TPTE2: variants seen among roughly 807,000 people sequenced by gnomAD.
The protein encoded by TPTE2 is phosphatidylinositol 3,4,5-trisphosphate 3-phosphatase TPTE2.
Under a neutral mutation model 78.6 loss-of-function variants are expected in TPTE2, and 53 were observed. The observed-to-expected ratio is 0.67, with a 90% confidence interval of 0.54 to 0.85. The LOEUF (loss-of-function observed/expected upper bound fraction) is 0.85, where lower values mean the gene tolerates loss of function less well. Ranked by LOEUF, TPTE2 falls within the 40% of genes least tolerant of loss-of-function variation. TPTE2 has a pLI of 0.00. For missense variants in TPTE2, 461 were observed against 623.0 expected (o/e 0.74, Z 2.77); for synonymous variants, 175 against 206.2 (o/e 0.85, Z 1.30).
At chr13:19,557,378 C>CAAGG in the TPTE2 span, among the ~76,000 whole-genome samples, 22 of 152,280 alleles carry the variant, frequency 1.4e-4, no homozygotes, top group Admixed American at 1.1e-3. Flanking sequence ...GGCAGGGAGT[C>CAAGG]AAGGCCCTGG....
chr13:19,508,594 A>G (rs922377707), intron 1 of TPTE2, among the ~76,000 whole-genome samples: 2 of 152,184 alleles, frequency 1.3e-5, no homozygotes, highest in Non-Finnish European at 2.9e-5. Context: ...TAGAGTTAGA[A>G]GGTTAGATTG....
chr13:19,475,734 T>C (rs1164739418), intron 4 of TPTE2, 111 bp from the exon 8 acceptor site: 1 of 1,153,568 alleles, frequency 8.7e-7, no homozygotes, highest in East Asian at 2.8e-5. Flanking sequence ...TATTCAGAAG[T>C]TGTATAACAA....
At chr13:19,551,136 C>A in the TPTE2 span, among the ~76,000 whole-genome samples, 1 of 152,080 alleles carries the variant, frequency 6.6e-6, no homozygotes, top group Admixed American at 6.6e-5. Context: ...AGGCAAATGG[C>A]CAATAATGGA....
intron 2 of TPTE2, 73 bp from the exon 6 acceptor site, chr13:19,492,976 T>G: frequency 6.3e-7 from 1 of 1,590,022 alleles, no homozygotes; most frequent in Non-Finnish European, 8.6e-7. Flanking sequence ...AAATTAGCTT[T>G]TATTACTCTA....
the TPTE2 span, among the ~76,000 whole-genome samples, chr13:19,542,958 G>A: frequency 6.6e-6 from 1 of 151,290 alleles, no homozygotes. Flanking sequence ...GTGTACTCTA[G>A]CCTGGGCAAG....
chr13:19,453,872 TAA>T (rs1178424640), intron 10 of TPTE2, among the ~76,000 whole-genome samples: 1 of 152,166 alleles, frequency 6.6e-6, no homozygotes, highest in Non-Finnish European at 1.5e-5. Flanking sequence ...CATGGCTTAC[TAA>T]GTTTATAATT....
the TPTE2 span, chr13:19,560,752 G>C: frequency 6.8e-7 from 1 of 1,477,138 alleles, no homozygotes; most frequent in Non-Finnish European, 9.3e-7. Flanking sequence ...GGGCCCAGCA[G>C]GGAAGGCGCC....
intron 3 of TPTE2, among the ~76,000 whole-genome samples, chr13:19,491,431 C>T (rs1880984218): frequency 6.6e-6 from 1 of 151,976 alleles, no homozygotes; most frequent in Admixed American, 6.6e-5. Context: ...ACCACATAAG[C>T]CCAGTAAGTA....
intron 4 of TPTE2, among the ~76,000 whole-genome samples, chr13:19,481,775 A>T (rs1214233363): frequency 6.6e-6 from 1 of 152,008 alleles, no homozygotes; most frequent in Non-Finnish European, 1.5e-5. Flanking sequence ...TTTGTTTCCA[A>T]TCTTTGTTTA....
intron 6 of TPTE2, among the ~76,000 whole-genome samples, chr13:19,469,407 A>T (rs913172175): frequency 5.3e-5 from 8 of 152,106 alleles, no homozygotes; most frequent in African/African-American, 1.9e-4. Flanking sequence ...TGCCAGTGCC[A>T]TGGTGTTTTG....
chr13:19,455,584 C>CTTAGG (rs112074547), intron 10 of TPTE2, among the ~76,000 whole-genome samples: 1 of 152,034 alleles, frequency 6.6e-6, no homozygotes, highest in African/African-American at 2.4e-5. Flanking sequence ...GACACCTAAG[C>CTTAGG]TAATTGTAGA....
the TPTE2 span, among the ~76,000 whole-genome samples, chr13:19,542,568 T>A: frequency 1.3e-5 from 2 of 152,172 alleles, no homozygotes; most frequent in Admixed American, 6.5e-5. Context: ...AATCACCCCA[T>A]CTCAGTTTTC....
chr13:19,471,188 G>A (rs1485115577), intron 6 of TPTE2, among the ~76,000 whole-genome samples: 5 of 152,116 alleles, frequency 3.3e-5, no homozygotes, highest in African/African-American at 4.8e-5. Context: ...GATTACAGGC[G>A]TGAACCACCA....
At chr13:19,459,876 A>AT (rs1878778344) in intron 10 of TPTE2, among the ~76,000 whole-genome samples, 2 of 152,138 alleles carry the variant, frequency 1.3e-5, no homozygotes, top group South Asian at 4.1e-4. Flanking sequence ...AACCACAGTG[A>AT]TGCTGGCTGC....
At chr13:19,510,959 T>C (rs895971440) in intron 1 of TPTE2, among the ~76,000 whole-genome samples, 2 of 152,234 alleles carry the variant, frequency 1.3e-5, no homozygotes, top group African/African-American at 4.8e-5. Context: ...TTGGAAAGTT[T>C]GATTATGTCA....
At position 19,532,973 on chromosome 13, in the gene TPTE2, G is replaced by A. The variant is rs17082931; in HGVS notation, c.-44+3623C>T. On this transcript the variant is annotated intron_variant, in intron 1 of 17. Transcript: ENST00000390680. ...TATGATGACACCTCAAGGTCAAGGA[G>A]TACTTCAGTACACTATACTCTGATG... 6.9e-3 allele frequency among the ~76,000 whole-genome samples: 1,053 copies of A among 152,268 alleles called. 11 individuals are homozygous for A. Among genetic ancestry groups the A allele is most frequent in the African/African-American group, 0.024 (1,005 of 41,542 alleles).
At chr13:19,554,840 G>A in the TPTE2 span, among the ~76,000 whole-genome samples, 1 of 152,258 alleles carries the variant, frequency 6.6e-6, no homozygotes, top group Admixed American at 6.5e-5. Flanking sequence ...CTGACTGCTA[G>A]ATTTTAAGTA....
chr13:19,533,922 GGTA>G (rs754389883), intron 1 of TPTE2, among the ~76,000 whole-genome samples: 1 of 152,094 alleles, frequency 6.6e-6, no homozygotes, highest in African/African-American at 2.4e-5. Flanking sequence ...AGCTAACTGC[GGTA>G]TTTATTTCAG....
chr13:19,444,092 C>T (rs372216436), intron 13 of TPTE2, among the ~76,000 whole-genome samples: 8 of 151,394 alleles, frequency 5.3e-5, no homozygotes, highest in South Asian at 2.1e-4. Flanking sequence ...ATAACTTGAG[C>T]GCAGGAGTTT....
Sources: gnomAD v4.1 joint callset for allele counts (sites outside exome capture counted in the v4.1 genomes callset) on GRCh38, gnomAD v4.1.1 for gene constraint, MANE v1.5 for transcripts, NCBI Gene and HGNC (gene_info 2026-07-23, HGNC 2026-07-21) for gene names.